AHCTF1: variants seen among roughly 807,000 people sequenced by gnomAD.
AHCTF1 encodes the protein AT-hook containing transcription factor 1.
In AHCTF1, 24 loss-of-function variants were observed where a neutral mutation model predicts 248.4. The observed-to-expected ratio is 0.10, with a 90% CI of 0.07 to 0.14. AHCTF1 has a LOEUF of 0.14. Among genes scored for constraint, AHCTF1 ranks in the 10% least tolerant of loss-of-function variants. AHCTF1 has a pLI of 1.00. For missense variants in AHCTF1, 2,206 were observed against 2,636.2 expected (o/e 0.84, Z 3.57); for synonymous variants, 786 against 929.8 (o/e 0.85, Z 2.81).
chr1:246,905,484 G>A (rs1010953072), intron 6 of AHCTF1, 57 bp downstream of exon 6: 41 of 1,390,310 alleles, frequency 2.9e-5, no homozygotes, highest in African/African-American at 1.3e-4. Context: ...ACAACAGAGC[G>A]AGACTCTGTC....
Position 246,870,141 on chromosome 1 carries a change from T to C in AHCTF1, c.3089-2330A>G, listed in dbSNP as rs140505021. 3.0e-3 allele frequency among the ~76,000 whole-genome samples: 456 copies of C among 152,188 alleles called. 2 individuals are homozygous for C. Among genetic ancestry groups the C allele is most frequent in the African/African-American group, 0.011 (439 of 41,522 alleles). ...GATATGGGGGAAAGAGCAAGAGAACTAGAATGAGAAGCAGAGCCTAGGCCA... is the reference window on the plus strand; with the variant it reads ...GATATGGGGGAAAGAGCAAGAGAACCAGAATGAGAAGCAGAGCCTAGGCCA... On this transcript the variant is annotated intron_variant, in intron 24 of 35. Transcript: ENST00000648844.
In AHCTF1 at chr1:246,853,135, T is replaced by C; in HGVS notation, c.4519A>G (p.Lys1507Glu). The change falls in exon 32 of 36, where the codon AAG becomes GAG. Residue 1507 changes from lysine (K) to glutamate (E), a missense_variant. Lys to Glu is a moderately conservative substitution (Grantham distance 56, BLOSUM62 1). Transcript: ENST00000648844. ...LKESVDLPEE[K>E]LPISDSPPDT... The stretch of plus-strand genomic sequence containing the variant: ...GGAGGGCTGTCAGAAATTGGAAGCT[T>C]TTCTTCTGGTAAGTCAACACTTTCT... The C allele has an allele frequency of 1.2e-6, 2 of 1,610,592 alleles. No individual in the cohort carries two copies. The highest frequency in any genetic ancestry group is 8.5e-7 in the Non-Finnish European group (1 of 1,178,904).
chr1:246,907,563 C>G lies in AHCTF1; in HGVS notation c.752G>C (p.Ser251Thr), dbSNP rs1665481793. The stretch of plus-strand genomic sequence containing the variant: ...AAGTTATACTTACTCTCTTTTCATG[C>G]TTTTCATGTTCCAAAGTGCTAGATA... ...DGYLALWNMK[S>T]MKREYYIQLE... Residue 251 changes from serine to threonine, a missense_variant, in exon 5 of 36, where the codon AGC becomes ACC. By Grantham distance (58) the Ser-to-Thr change is moderately conservative (BLOSUM62 1). This residue lies in a region of AHCTF1 where 650 missense variants were observed against 870.8 expected (regional missense o/e 0.75). Coordinates refer to ENST00000648844, the MANE Select transcript of AHCTF1 (RefSeq NM_001323342.2). 6.2e-7 allele frequency: 1 copy of G among 1,613,002 alleles called. No individual in the cohort carries two copies. The highest frequency in any genetic ancestry group is 1.7e-5 in the Admixed American group (1 of 59,802).
intron 21 of AHCTF1, among the ~76,000 whole-genome samples, chr1:246,881,719 T>C (rs1020186453): frequency 2.6e-5 from 4 of 151,232 alleles, no homozygotes; most frequent in Non-Finnish European, 5.9e-5. Flanking sequence ...GCACCTGTAA[T>C]CCCAGCTACT....
intron 30 of AHCTF1, 144 bp downstream of exon 30, chr1:246,857,547 C>T: frequency 1.1e-6 from 1 of 899,032 alleles, no homozygotes; most frequent in Non-Finnish European, 1.6e-6. Context: ...CACAACTAAA[C>T]TTCTTTTAAA....
chr1:246,853,356 A>C (rs1660859238), intron 31 of AHCTF1, 57 bp from the exon 32 acceptor site: 1 of 1,415,022 alleles, frequency 7.1e-7, no homozygotes, highest in South Asian at 1.3e-5. Flanking sequence ...ATCCACACAC[A>C]AGGAAGCAAA....
intron 24 of AHCTF1, among the ~76,000 whole-genome samples, chr1:246,872,543 G>T (rs1662671945): frequency 6.6e-6 from 1 of 152,022 alleles, no homozygotes; most frequent in Non-Finnish European, 1.5e-5. Context: ...TTACTTAGGG[G>T]GTGTCCTCTG....
At chr1:246,922,869 G>A (rs1468522176) in intron 1 of AHCTF1, among the ~76,000 whole-genome samples, 1 of 150,554 alleles carries the variant, frequency 6.6e-6, no homozygotes, top group Admixed American at 6.6e-5. Flanking sequence ...TGTAGTCCCA[G>A]CTACTCGGGA....
At chr1:246,893,443 G>A (rs1664355685) in intron 14 of AHCTF1, among the ~76,000 whole-genome samples, 2 of 152,162 alleles carry the variant, frequency 1.3e-5, no homozygotes, top group South Asian at 4.1e-4. Context: ...CATGACACAA[G>A]AGAAATGACT....
intron 11 of AHCTF1, 76 bp downstream of exon 11, chr1:246,899,375 A>T (rs1348639875): frequency 7.9e-7 from 1 of 1,273,588 alleles, no homozygotes; most frequent in Non-Finnish European, 1.1e-6. Flanking sequence ...TCACTAAGTA[A>T]AACTTAAATC....
chr1:246,883,028 G>A (rs772439185), intron 21 of AHCTF1, among the ~76,000 whole-genome samples: 1 of 152,184 alleles, frequency 6.6e-6, no homozygotes, highest in Non-Finnish European at 1.5e-5. Flanking sequence ...AATAAGTGCT[G>A]TTTCAATAAC....
At chr1:246,849,510 G>T in intron 33 of AHCTF1, 105 bp downstream of exon 33, 1 of 1,433,984 alleles carries the variant, frequency 7.0e-7, no homozygotes, top group Non-Finnish European at 9.4e-7. Context: ...GTTTGAGGGG[G>T]GAAGGGGAAA....
intron 1 of AHCTF1, among the ~76,000 whole-genome samples, chr1:246,928,439 T>C (rs1293402945): frequency 6.6e-6 from 1 of 152,130 alleles, no homozygotes; most frequent in East Asian, 1.9e-4. Flanking sequence ...TAACAGGTCC[T>C]AAATGTAATA....
At chr1:246,914,838 C>A (rs551302347) in intron 3 of AHCTF1, among the ~76,000 whole-genome samples, 2 of 152,272 alleles carry the variant, frequency 1.3e-5, no homozygotes, top group South Asian at 4.1e-4. Context: ...ATTCCTCATC[C>A]AAATGATCAA....
At chr1:246,917,420 TAAGA>T (rs915461292) in intron 2 of AHCTF1, among the ~76,000 whole-genome samples, 4 of 152,218 alleles carry the variant, frequency 2.6e-5, no homozygotes, top group African/African-American at 9.6e-5. Flanking sequence ...GGCCACAGTT[TAAGA>T]AAGTAGCATG....
Position 246,889,984 on chromosome 1 carries a change from T to G in AHCTF1, c.2126A>C (p.Lys709Thr), listed in dbSNP as rs749131586. ...ACTATACCTTGATAAACGCTCAAAC[T>G]TCTGTCGACGACTGGTGTAGTAGTT... The part of the protein sequence containing the change: ...IQNYYTSRRQ[K>T]FERLSRGKWN... Residue 709 changes from lysine (K) to threonine (T), a missense_variant, in exon 17 of 36, where the codon AAG becomes ACG. Physicochemically the swap from Lys to Thr is moderately conservative, Grantham distance 78. Around this residue, in one of 6 missense-constraint regions of AHCTF1, gnomAD observed 650 missense variants for 870.8 expected, o/e 0.75. Coordinates refer to ENST00000648844, the MANE Select transcript of AHCTF1 (RefSeq NM_001323342.2). 1.5e-5 allele frequency: 24 copies of G among 1,611,658 alleles called. No homozygotes were observed. In the African/African-American group the frequency reaches 3.1e-4, roughly 21 times the overall value.
Position 246,862,022 on chromosome 1 carries a change from T to C in AHCTF1, c.3672A>G (p.Gln1224=), listed in dbSNP as rs142193362. The C allele has an allele frequency of 3.7e-6, 6 of 1,613,820 alleles. No individual in the cohort carries two copies. The highest frequency in any genetic ancestry group is 1.1e-5 in the South Asian group (1 of 91,064). The change falls in exon 28 of 36, where the codon CAA becomes CAG. Residue 1224 remains glutamine (Q), a synonymous_variant. Transcript: ENST00000648844. ...SPSPSPGRSP[Q]RLKETRISFV... is the part of the protein sequence containing the mutation. ...ATGAAATTCTAGTTTCTTTAAGTCGTTGAGGAGACCTTCCAGGTGATGGAG... is the reference window on the plus strand; with the variant it reads ...ATGAAATTCTAGTTTCTTTAAGTCGCTGAGGAGACCTTCCAGGTGATGGAG...
chr1:246,865,269 A>T (rs896663444), intron 26 of AHCTF1: 1 of 152,236 alleles, frequency 6.6e-6, no homozygotes, highest in Admixed American at 6.5e-5. Context: ...GAATAACCAG[A>T]AAAGGAGAGT....
In AHCTF1 at chr1:246,887,343, T is replaced by C. The variant is rs535624154; in HGVS notation, c.2340A>G (p.Leu780=). ...AAKHSITIYL[L]LDIMYSFPNK... is the part of the protein sequence containing the mutation. ...TGGGAAAGGAATACATAATATCAAG[T>C]AGCAAATAAATGGTCTTTTAAAAAG... The change falls in exon 20 of 36, where the codon CTA becomes CTG. Residue 780 remains leucine (L), a synonymous_variant. Transcript: ENST00000648844. 8.7e-6 allele frequency: 14 copies of C among 1,609,720 alleles called. No individual in the cohort carries two copies. The highest frequency in any genetic ancestry group is 6.7e-5 in the African/African-American group (5 of 74,818).
Sources: gnomAD v4.1 joint callset for allele counts (sites outside exome capture counted in the v4.1 genomes callset) on GRCh38, gnomAD v4.1.1 for gene constraint, gnomAD v4.1.1 regional missense constraint, MANE v1.5 for transcripts, NCBI Gene and HGNC (gene_info 2026-07-23, HGNC 2026-07-21) for gene names.